The following DPY19L1 variants were observed in gnomAD, a reference collection of about 807,000 sequenced individuals.
The protein encoded by DPY19L1 is protein C-mannosyl-transferase DPY19L1.
A neutral mutation model predicts 96.9 loss-of-function variants in DPY19L1; 35 were observed. The ratio of observed to expected loss-of-function variants is 0.36; its 90% confidence interval spans 0.28 to 0.48. The LOEUF (loss-of-function observed/expected upper bound fraction) is 0.48. DPY19L1 is among the 20% of genes least tolerant of loss of function. The pLI, the probability that DPY19L1 is intolerant of heterozygous loss-of-function variation, is 0.99. For missense variants in DPY19L1, 521 were observed against 777.9 expected, an observed-to-expected ratio of 0.67 and a Z score of 3.93; for synonymous variants, 205 against 252.6, an observed-to-expected ratio of 0.81 and a Z score of 1.79.
intron 6 of DPY19L1, among the ~76,000 whole-genome samples, chr7:34,995,953 TAAAGAGATAGGAAAG>T (rs1354482770): frequency 7.9e-5 from 12 of 151,058 alleles, no homozygotes; most frequent in Non-Finnish European, 1.2e-4. Flanking sequence ...GGTTACTAAG[TAAAGAGATAGGAAAG>T]AAAGATGAGG....
At chr7:34,972,388 C>T (rs991089740) in intron 8 of DPY19L1, among the ~76,000 whole-genome samples, 2 of 152,166 alleles carry the variant, frequency 1.3e-5, no homozygotes, top group African/African-American at 2.4e-5. Flanking sequence ...GGAGCAGCAT[C>T]CCCATGCCCA....
rs1313977348 is a variant in DPY19L1 at position 34,929,527 on chromosome 7, A to T, written c.*2046T>A. 6.6e-6 allele frequency: 1 copy of T among 152,206 alleles called. No homozygotes were observed. The highest frequency in any genetic ancestry group is 1.5e-5 in the Non-Finnish European group (1 of 68,030). The allele number at this position is 152,206 out of a possible 1,614,324, so 9.4% of individuals were successfully genotyped here. A position where few individuals can be genotyped will look rare whatever the true frequency, so the allele number is the denominator to read the frequency against. On this transcript the variant is annotated 3_prime_UTR_variant, in exon 22 of 22. Transcript: ENST00000638088. ...CAGAATTTCTACTTATTACATGTGA[A>T]CTTCTTTGGAAGGAAATTACTGGGG...
chr7:34,979,869 C>A (rs1325324625), intron 7 of DPY19L1, among the ~76,000 whole-genome samples: 1 of 151,958 alleles, frequency 6.6e-6, no homozygotes, highest in African/African-American at 2.4e-5. Flanking sequence ...ACACAACCAG[C>A]AAGTTGTGTA....
chr7:34,942,634 T>C lies in DPY19L1; in HGVS notation c.1550A>G (p.His517Arg). The change falls in exon 17 of 22, where the codon CAC (histidine) becomes CGC (arginine). Residue 517 changes from histidine (H) to arginine (R), a missense_variant. Coordinates refer to ENST00000638088, the MANE Select transcript of DPY19L1 (RefSeq NM_001366673.1). Reference protein sequence around the residue: ...LAKQQTHVRKHQFDHGELVYH... With the variant: ...LAKQQTHVRKRQFDHGELVYH... ...CTTTACCTCTCCATGATCAAACTGG[T>C]GTTTTCTGGAACAGAAAAAAATATA... 6 of 1,592,484 alleles carry C rather than the reference T, an allele frequency of 3.8e-6. No homozygotes were observed. Among genetic ancestry groups the C allele is most frequent in the Non-Finnish European group, 5.1e-6 (6 of 1,171,130 alleles).
At chr7:34,993,603 A>C (rs111581700) in intron 6 of DPY19L1, among the ~76,000 whole-genome samples, 27 of 150,764 alleles carry the variant, frequency 1.8e-4, no homozygotes, top group African/African-American at 4.1e-4. Flanking sequence ...CAGTCTCCCA[A>C]CCCTGCCCCC....
At chr7:34,934,612 T>G (rs1334851614) in intron 21 of DPY19L1, among the ~76,000 whole-genome samples, 1 of 152,112 alleles carries the variant, frequency 6.6e-6, no homozygotes, top group East Asian at 1.9e-4. Context: ...TGCAAGACAA[T>G]TTTTCCATGG....
rs1785993591 is a variant in DPY19L1 at position 35,021,463 on chromosome 7, T to A, written c.299-2867A>T. ...GTCCATTCATCATCTGCCCAATGTT[T>A]TGAATTCCTTTTTTTCATTTCAACT... On this transcript the variant is annotated intron_variant, in intron 1 of 21. Coordinates refer to ENST00000638088, the MANE Select transcript of DPY19L1 (RefSeq NM_001366673.1). Among the ~76,000 whole-genome samples the A allele has an allele frequency of 2.0e-5, 3 of 152,220 alleles. No individual in the cohort carries two copies. The South Asian group carries it at 6.2e-4, about 32-fold the overall frequency.
chr7:35,024,640 G>A (rs1289542030), intron 1 of DPY19L1, among the ~76,000 whole-genome samples: 2 of 152,082 alleles, frequency 1.3e-5, no homozygotes, highest in African/African-American at 4.8e-5. Flanking sequence ...TAGATGCACT[G>A]GGCAACAATC....
chr7:35,000,143 A>G (rs1442135222), intron 6 of DPY19L1, among the ~76,000 whole-genome samples: 1 of 152,242 alleles, frequency 6.6e-6, no homozygotes, highest in African/African-American at 2.4e-5. Flanking sequence ...AAGTTGTTCA[A>G]TTAACTTACA....
chr7:35,020,413 A>AG (rs1785968456), intron 1 of DPY19L1, among the ~76,000 whole-genome samples: 1 of 152,192 alleles, frequency 6.6e-6, no homozygotes, highest in South Asian at 2.1e-4. Context: ...TTGTATATAT[A>AG]GGTATGTGTA....
At chr7:34,947,924 G>T (rs1006164119) in intron 14 of DPY19L1, among the ~76,000 whole-genome samples, 25 of 152,142 alleles carry the variant, frequency 1.6e-4, no homozygotes, top group African/African-American at 6.0e-4. Flanking sequence ...ACACCTGTAA[G>T]TGTGAAATGT....
At chr7:34,960,745 G>A (rs1293616810) in intron 10 of DPY19L1, among the ~76,000 whole-genome samples, 1 of 152,092 alleles carries the variant, frequency 6.6e-6, no homozygotes, top group Non-Finnish European at 1.5e-5. Flanking sequence ...CTTTTGAGGT[G>A]TGGGTATCTT....
At chr7:34,954,050 T>G (rs1246580661) in intron 13 of DPY19L1, among the ~76,000 whole-genome samples, 2 of 152,206 alleles carry the variant, frequency 1.3e-5, no homozygotes, top group Non-Finnish European at 2.9e-5. Context: ...AGTTTATTTT[T>G]TCCATGTTGG....
Position 34,931,640 on chromosome 7 carries a change from G to C in DPY19L1, c.2180C>G (p.Ser727Cys), listed in dbSNP as rs1363655467. 3.8e-6 allele frequency: 6 copies of C among 1,598,140 alleles called. No homozygotes were observed. Among genetic ancestry groups the C allele is most frequent in the Non-Finnish European group, 4.3e-6 (5 of 1,173,044 alleles). ...TPLCNLLVKD[S>C]KPHFTTVFQN... ...GAATACAGTGGTGAAGTGAGGTTTG[G>C]AATCCTTCACCAAGAGGTTACATAA... Residue 727 changes from serine (S) to cysteine (C), a missense_variant, in exon 22 of 22, where the codon TCC becomes TGC. By Grantham distance (112) the Ser-to-Cys change is moderately radical (BLOSUM62 -1). Transcript: ENST00000638088.
chr7:35,008,666 T>G (rs1341626374), intron 6 of DPY19L1, among the ~76,000 whole-genome samples: 7 of 152,212 alleles, frequency 4.6e-5, no homozygotes, highest in Non-Finnish European at 1.0e-4. Flanking sequence ...GAATAGTCAC[T>G]AGACTCCAGC....
At chr7:34,984,804 A>C (rs969732640) in intron 7 of DPY19L1, among the ~76,000 whole-genome samples, 5 of 143,140 alleles carry the variant, frequency 3.5e-5, no homozygotes, top group Non-Finnish European at 7.6e-5. Flanking sequence ...TGACCTACAG[A>C]AATCTGCTCC....
At chr7:34,973,683 T>G in intron 7 of DPY19L1, 78 bp from the exon 8 acceptor site, 1 of 720,822 alleles carries the variant, frequency 1.4e-6, no homozygotes, top group African/African-American at 1.8e-5. Context: ...TATTTATAAA[T>G]AAAATTATTT....
At chr7:34,939,439 G>T in intron 19 of DPY19L1, 64 bp from the exon 20 acceptor site, 1 of 1,393,254 alleles carries the variant, frequency 7.2e-7, no homozygotes, top group Non-Finnish European at 1.0e-6. Context: ...TCTCCTTCAA[G>T]TGTAAATCAA....
At chr7:35,005,660 A>C (rs1261115035) in intron 6 of DPY19L1, among the ~76,000 whole-genome samples, 2 of 136,530 alleles carry the variant, frequency 1.5e-5, no homozygotes, top group African/African-American at 2.7e-5. Flanking sequence ...AAAAAAAAAA[A>C]AAATTAGCCA....
Sources: allele counts gnomAD v4.1 joint callset (sites outside exome capture counted in the v4.1 genomes callset), GRCh38; gene constraint gnomAD v4.1.1; transcripts MANE v1.5; gene names NCBI Gene and HGNC (gene_info 2026-07-23, HGNC 2026-07-21).